MYO1E: variants seen among roughly 807,000 people sequenced by gnomAD.
MYO1E encodes the protein unconventional myosin-Ie.
A neutral mutation model predicts 151.1 loss-of-function variants in MYO1E; 68 were observed. The observed-to-expected ratio is 0.45, with a 90% CI of 0.37 to 0.55. The LOEUF (loss-of-function observed/expected upper bound fraction) is 0.55. Among genes scored for constraint, MYO1E ranks in the 20% least tolerant of loss-of-function variants. The pLI is 0.00. For synonymous variants in MYO1E, 601 were observed against 501.7 expected, an observed-to-expected ratio of 1.20 and a Z score of -2.64; for missense variants, 1,363 against 1,389.3, an observed-to-expected ratio of 0.98 and a Z score of 0.30.
chr15:59,278,532 C>T (rs531636538), intron 1 of MYO1E, among the ~76,000 whole-genome samples: 2 of 152,322 alleles, frequency 1.3e-5, no homozygotes, highest in South Asian at 4.1e-4. Flanking sequence ...ATTTGTCTGT[C>T]TGCTACATAC....
At position 59,163,181 on chromosome 15, in the gene MYO1E, T is replaced by C; in HGVS notation, c.2603A>G (p.Gln868Arg). The stretch of plus-strand genomic sequence containing the variant: ...CGTATTGCTGAATTTCAGAGGTAGT[T>C]GCTTCTGGGTCTTCTCCTCGTAACG... ...AKRYEEKTQK[Q>R]LPLKFSNTLE... is the part of the protein sequence containing the mutation. Residue 868 changes from glutamine to arginine, a missense_variant, in exon 23 of 28, where the codon CAA becomes CGA. Coordinates refer to ENST00000288235, the MANE Select transcript of MYO1E (RefSeq NM_004998.4). The C allele has an allele frequency of 6.2e-7, 1 of 1,614,158 alleles. No homozygotes were observed. The highest frequency in any genetic ancestry group is 8.5e-7 in the Non-Finnish European group (1 of 1,180,018).
At chr15:59,215,503 A>T (rs1201545722) in intron 10 of MYO1E, among the ~76,000 whole-genome samples, 2 of 152,162 alleles carry the variant, frequency 1.3e-5, no homozygotes, top group African/African-American at 2.4e-5. Flanking sequence ...CAAGCAATTC[A>T]TGGGAACAGA....
chr15:59,255,077 C>T (rs548955567), intron 4 of MYO1E, among the ~76,000 whole-genome samples: 127 of 152,196 alleles, frequency 8.3e-4, no homozygotes, highest in Non-Finnish European at 1.5e-3. Context: ...CTGCCTGTCT[C>T]AGCCTCCACT....
intron 1 of MYO1E, among the ~76,000 whole-genome samples, chr15:59,354,107 A>G (rs2080840500): frequency 6.6e-6 from 1 of 152,278 alleles, no homozygotes; most frequent in African/African-American, 2.4e-5. Flanking sequence ...GCAAACATTA[A>G]GAGCCATTCA....
chr15:59,160,657 G>A (rs1418687191), intron 24 of MYO1E, among the ~76,000 whole-genome samples: 3 of 151,888 alleles, frequency 2.0e-5, no homozygotes, highest in Non-Finnish European at 2.9e-5. Context: ...GGGTTCAAGC[G>A]ATCGTCCGGC....
intron 1 of MYO1E, among the ~76,000 whole-genome samples, chr15:59,335,099 G>C (rs1224385739): frequency 6.6e-6 from 1 of 152,176 alleles, no homozygotes; most frequent in Non-Finnish European, 1.5e-5. Flanking sequence ...GTCAAACCGT[G>C]AAAGAGAAAA....
intron 1 of MYO1E, among the ~76,000 whole-genome samples, chr15:59,371,546 A>G (rs2080944630): frequency 6.6e-6 from 1 of 152,052 alleles, no homozygotes; most frequent in African/African-American, 2.4e-5. Context: ...CTAAGGTTAT[A>G]CAGGGAGGGA....
intron 1 of MYO1E, among the ~76,000 whole-genome samples, chr15:59,359,061 T>C (rs1596442815): frequency 6.6e-6 from 1 of 152,064 alleles, no homozygotes; most frequent in Non-Finnish European, 1.5e-5. Context: ...AACAATTTCA[T>C]AGACTACCCT....
chr15:59,170,621 C>T (rs911748226), intron 22 of MYO1E, among the ~76,000 whole-genome samples: 5 of 151,950 alleles, frequency 3.3e-5, no homozygotes, highest in African/African-American at 9.7e-5. Context: ...AGCCTTGAAA[C>T]CTACCTGAGG....
At chr15:59,361,056 G>A (rs1349552686) in intron 1 of MYO1E, among the ~76,000 whole-genome samples, 3 of 152,148 alleles carry the variant, frequency 2.0e-5, no homozygotes, top group Admixed American at 6.5e-5. Flanking sequence ...GAACCCTGTG[G>A]TGTGACCACT....
At chr15:59,372,411 C>A in intron 1 of MYO1E, 87 bp downstream of exon 1, 1 of 1,495,506 alleles carries the variant, frequency 6.7e-7, no homozygotes, top group Non-Finnish European at 9.0e-7. Context: ...CTGGCCCCGG[C>A]AGCGCGCCCA....
At chr15:59,357,033 G>A (rs1390053108) in intron 1 of MYO1E, among the ~76,000 whole-genome samples, 1 of 151,950 alleles carries the variant, frequency 6.6e-6, no homozygotes, top group Non-Finnish European at 1.5e-5. Flanking sequence ...AGCCTCTCAA[G>A]TAGCTGGGAT....
At chr15:59,301,093 C>A (rs1200322909) in intron 1 of MYO1E, among the ~76,000 whole-genome samples, 3 of 152,006 alleles carry the variant, frequency 2.0e-5, no homozygotes, top group Non-Finnish European at 4.4e-5. Flanking sequence ...GTCTTGAAAT[C>A]CTGACTTCAG....
intron 5 of MYO1E, among the ~76,000 whole-genome samples, chr15:59,235,916 A>G (rs2080059685): frequency 6.6e-6 from 1 of 152,188 alleles, no homozygotes; most frequent in Non-Finnish European, 1.5e-5. Flanking sequence ...TTTTCTTCTT[A>G]TCATGATGGT....
chr15:59,369,327 G>A (rs1445123732), intron 1 of MYO1E, among the ~76,000 whole-genome samples: 2 of 152,144 alleles, frequency 1.3e-5, no homozygotes, highest in Admixed American at 1.3e-4. Context: ...TTGAGGTGAT[G>A]GTCAATTCAG....
chr15:59,335,420 T>C (rs2080722345), intron 1 of MYO1E, among the ~76,000 whole-genome samples: 1 of 152,158 alleles, frequency 6.6e-6, no homozygotes, highest in African/African-American at 2.4e-5. Context: ...TTTTACGGAT[T>C]TTGAAAGAAG....
chr15:59,323,610 C>T (rs991764689), intron 1 of MYO1E, among the ~76,000 whole-genome samples: 12 of 151,564 alleles, frequency 7.9e-5, no homozygotes, highest in Non-Finnish European at 1.5e-4. Flanking sequence ...AAGCCGAGAT[C>T]GCACCACTGC....
At chr15:59,298,880 G>T (rs3743501) in intron 1 of MYO1E, among the ~76,000 whole-genome samples, 69,999 of 152,102 alleles carry the variant, frequency 0.46, 19,245 homozygotes, top group Middle Eastern at 0.67. Context: ...GGAATCTGCT[G>T]CCACCTGGGA....
At chr15:59,138,167 G>A in intron 27 of MYO1E, 31 bp downstream of exon 27, 1 of 1,611,688 alleles carries the variant, frequency 6.2e-7, no homozygotes, top group Non-Finnish European at 8.5e-7. Context: ...CTCTTTGGGA[G>A]GCTGTCCCAG....
Sources: allele counts gnomAD v4.1 joint callset (sites outside exome capture counted in the v4.1 genomes callset), GRCh38; gene constraint gnomAD v4.1.1; transcripts MANE v1.5; gene names NCBI Gene and HGNC (gene_info 2026-07-23, HGNC 2026-07-21).